CHD7: variants seen among roughly 807,000 people sequenced by gnomAD.
The protein encoded by CHD7 is chromodomain helicase DNA binding protein 7, also known as ATP-dependent chromatin remodeler CHD7.
A neutral mutation model predicts 307.3 loss-of-function variants in CHD7; 24 were observed. The ratio of observed to expected loss-of-function variants is 0.08; its 90% confidence interval spans 0.06 to 0.11. The LOEUF (loss-of-function observed/expected upper bound fraction) is 0.11, where lower values mean the gene tolerates loss of function less well. CHD7 is among the 10% of genes least tolerant of loss of function. The probability of loss-of-function intolerance (pLI) is 1.00; values close to 1 mark genes in which losing one functional copy is unlikely to be tolerated. For synonymous variants in CHD7, 1,363 were observed against 1,349.9 expected (o/e 1.01, Z -0.21); for missense variants, 3,106 against 3,727.1 (o/e 0.83, Z 4.34).
At chr8:60,795,847 G>A (rs1023012239) in intron 4 of CHD7, among the ~76,000 whole-genome samples, 3 of 152,276 alleles carry the variant, frequency 2.0e-5, no homozygotes, top group African/African-American at 7.2e-5. Context: ...ATGCCAGTGT[G>A]GTCCACTGGG....
chr8:60,813,439 T>C (rs764222535), intron 7 of CHD7, among the ~76,000 whole-genome samples: 4 of 152,202 alleles, frequency 2.6e-5, no homozygotes, highest in Non-Finnish European at 5.9e-5. Context: ...AAATACAATA[T>C]TGAATAACAG....
At position 60,814,147 on chromosome 8, in the gene CHD7, G is replaced by A. The variant is rs541383048; in HGVS notation, c.2499-2240G>A. ...AATTATCTATTCAGACAAAGCAGTC[G>A]TATTTTTGACCCTTTATTCTTCCTT... On this transcript the variant is annotated intron_variant, in intron 7 of 37. Coordinates refer to ENST00000423902, the MANE Select transcript of CHD7 (RefSeq NM_017780.4). Among the ~76,000 whole-genome samples the A allele has an allele frequency of 2.6e-4, 40 of 152,236 alleles. No individual in the cohort carries two copies. In the South Asian group the frequency reaches 7.3e-3, roughly 28 times the overall value.
chr8:60,780,932 A>G (rs1586316184), intron 2 of CHD7, 68 bp from the exon 3 acceptor site: 3 of 1,415,938 alleles, frequency 2.1e-6, no homozygotes, highest in Non-Finnish European at 2.8e-6. Context: ...ATCAGCCACT[A>G]ACTTTCAGTT....
chr8:60,683,941 G>A (rs1373885195), intron 1 of CHD7, among the ~76,000 whole-genome samples: 2 of 151,186 alleles, frequency 1.3e-5, no homozygotes, highest in Admixed American at 6.6e-5. Flanking sequence ...TATCCATTTA[G>A]GAAAAATGCA....
chr8:60,855,393 A>T (rs1654913064), intron 32 of CHD7, among the ~76,000 whole-genome samples: 1 of 152,222 alleles, frequency 6.6e-6, no homozygotes, highest in African/African-American at 2.4e-5. Context: ...GTAATTAGAA[A>T]TTTTTAATGT....
At chr8:60,822,778 T>TA (rs1804105379) in intron 12 of CHD7, 32 bp downstream of exon 12, 3 of 1,529,128 alleles carry the variant, frequency 2.0e-6, no homozygotes, top group South Asian at 2.6e-5. Flanking sequence ...TCTTTGTACT[T>TA]ACTCTGTGCA....
intron 34 of CHD7, 45 bp downstream of exon 34, chr8:60,856,933 G>C: frequency 3.3e-6 from 5 of 1,493,898 alleles, no homozygotes; most frequent in Admixed American, 2.2e-5. Context: ...CGTGTTGACA[G>C]CTGAGGGTCC....
rs1330653650 is a variant in CHD7 at position 60,866,310 on chromosome 8, A to G, written c.*377A>G. The G allele has an allele frequency of 6.5e-6, 1 of 154,242 alleles. No homozygotes were observed. Among genetic ancestry groups the G allele is most frequent in the Non-Finnish European group, 1.4e-5 (1 of 69,250 alleles). The allele number at this position is 154,242 out of a possible 1,614,324, so 9.6% of individuals were successfully genotyped here. A position where few individuals can be genotyped will look rare whatever the true frequency, so the allele number is the denominator to read the frequency against. ...AAGGAAGTATGAAGTTATATATTTA[A>G]TTTTTTAATTTTAATTTTTAATTTT... On this transcript the variant is annotated 3_prime_UTR_variant, in exon 38 of 38. Coordinates refer to ENST00000423902, the MANE Select transcript of CHD7 (RefSeq NM_017780.4).
chr8:60,856,280 A>G, intron 33 of CHD7, 78 bp downstream of exon 33: 10 of 1,297,476 alleles, frequency 7.7e-6, no homozygotes, highest in Non-Finnish European at 1.0e-5. Context: ...CTTATATTTC[A>G]CTGGCCTTGC....
chr8:60,854,656 T>TA, intron 32 of CHD7, 133 bp downstream of exon 32: 1 of 707,270 alleles, frequency 1.4e-6, no homozygotes, highest in Non-Finnish European at 2.1e-6. Context: ...AGATTTTTCT[T>TA]ATACTTTTAA....
chr8:60,795,051 G>A lies in CHD7; in HGVS notation c.2162G>A (p.Gly721Asp), dbSNP rs1222692405. The change falls in exon 4 of 38, where the codon GGT becomes GAT. Residue 721 changes from glycine (G) to aspartate (D), a missense_variant. This residue lies in a region of CHD7 where 998 missense variants were observed against 1,004.5 expected (regional missense o/e 0.99). Transcript: ENST00000423902. ...AAGGTCAACAAGGGAAAAACAGAAG[G>A]TTCTGAAAATTCAGACTTAGACAAA... is the stretch of plus-strand genomic sequence containing the variant. ...KKKVNKGKTE[G>D]SENSDLDKTP... 1.2e-6 allele frequency: 2 copies of A among 1,613,714 alleles called. No individual in the cohort carries two copies. Among genetic ancestry groups the A allele is most frequent in the South Asian group, 1.1e-5 (1 of 91,068 alleles).
chr8:60,808,363 C>T, intron 7 of CHD7, 91 bp downstream of exon 7: 3 of 814,574 alleles, frequency 3.7e-6, no homozygotes, highest in Non-Finnish European at 6.0e-6. Context: ...AATTAAGAAA[C>T]TTTGGTATGA....
intron 22 of CHD7, 52 bp downstream of exon 22, chr8:60,845,115 C>G (rs767912664): frequency 6.3e-7 from 1 of 1,597,710 alleles, no homozygotes. Context: ...CCACCAGGAA[C>G]TTTTGTGACA....
chr8:60,800,809 G>A (rs1812274548), intron 5 of CHD7, among the ~76,000 whole-genome samples: 1 of 152,240 alleles, frequency 6.6e-6, no homozygotes, highest in African/African-American at 2.4e-5. Flanking sequence ...ATATAAGGAG[G>A]CTGAATATAC....
At chr8:60,772,089 G>A (rs1160896747) in intron 2 of CHD7, among the ~76,000 whole-genome samples, 2 of 152,196 alleles carry the variant, frequency 1.3e-5, no homozygotes, top group African/African-American at 2.4e-5. Context: ...CAAGATGTAC[G>A]TGAGTTTTTA....
At chr8:60,861,974 T>C (rs2129717145) in intron 35 of CHD7, 1 of 359,636 alleles carries the variant, frequency 2.8e-6, no homozygotes, top group South Asian at 5.7e-5. Flanking sequence ...TATTGATAGA[T>C]AAAAGGAAAA....
chr8:60,691,973 A>G (rs1806216836), intron 1 of CHD7, among the ~76,000 whole-genome samples: 1 of 152,218 alleles, frequency 6.6e-6, no homozygotes, highest in South Asian at 2.1e-4. Context: ...GATTTATTGA[A>G]TTAAATCTCC....
intron 32 of CHD7, chr8:60,855,350 C>T (rs1805652892): frequency 6.6e-6 from 1 of 152,484 alleles, no homozygotes; most frequent in Admixed American, 6.5e-5. Flanking sequence ...TAGTAGCAGG[C>T]ACTTTTAATC....
chr8:60,700,640 G>A (rs1444521557), intron 1 of CHD7, among the ~76,000 whole-genome samples: 1 of 152,210 alleles, frequency 6.6e-6, no homozygotes, highest in African/African-American at 2.4e-5. Context: ...CATTTAGCCA[G>A]TCACATGGTC....
Sources: allele counts gnomAD v4.1 joint callset (sites outside exome capture counted in the v4.1 genomes callset), GRCh38; gene constraint gnomAD v4.1.1; regional missense constraint gnomAD v4.1.1; transcripts MANE v1.5; gene names NCBI Gene and HGNC (gene_info 2026-07-23, HGNC 2026-07-21).